NEGR1: variants seen among roughly 807,000 people sequenced by gnomAD.
The protein encoded by NEGR1 is neuronal growth regulator 1.
In NEGR1, 10 loss-of-function variants were observed where a neutral mutation model predicts 40.9. The observed-to-expected ratio is 0.24, with a 90% CI of 0.15 to 0.42. The LOEUF is 0.42. NEGR1 is among the 10% of genes least tolerant of loss of function. The pLI is 1.00. For synonymous variants in NEGR1, 185 were observed against 166.8 expected, an observed-to-expected ratio of 1.11 and a Z score of -0.84; for missense variants, 352 against 438.9, an observed-to-expected ratio of 0.80 and a Z score of 1.77.
intron 1 of NEGR1, among the ~76,000 whole-genome samples, chr1:72,266,668 T>C (rs1415021475): frequency 1.3e-5 from 2 of 149,812 alleles, no homozygotes; most frequent in Non-Finnish European, 3.0e-5. Flanking sequence ...TGTATATACA[T>C]ACATAAAAAT....
chr1:71,959,723 T>C (rs1020112989), intron 1 of NEGR1, among the ~76,000 whole-genome samples: 2 of 152,136 alleles, frequency 1.3e-5, no homozygotes, highest in Non-Finnish European at 1.5e-5. Flanking sequence ...TAAACTTCTA[T>C]GTATTTTTTC....
intron 1 of NEGR1, among the ~76,000 whole-genome samples, chr1:72,111,444 T>C (rs1360983946): frequency 6.6e-6 from 1 of 151,696 alleles, no homozygotes; most frequent in Non-Finnish European, 1.5e-5. Flanking sequence ...AGTATCTGAA[T>C]ATCATGAAAA....
chr1:72,131,434 A>T (rs969843523), intron 1 of NEGR1, among the ~76,000 whole-genome samples: 1 of 152,236 alleles, frequency 6.6e-6, no homozygotes, highest in African/African-American at 2.4e-5. Context: ...AATTCCAGCA[A>T]AGATGAGATT....
intron 4 of NEGR1, among the ~76,000 whole-genome samples, chr1:71,639,116 G>C (rs1557596404): frequency 6.6e-6 from 1 of 151,712 alleles, no homozygotes; most frequent in East Asian, 2.0e-4. Context: ...CACATGTGCT[G>C]GTGCTCAGAG....
chr1:71,835,536 T>G (rs1005768320), intron 2 of NEGR1, among the ~76,000 whole-genome samples: 1 of 152,166 alleles, frequency 6.6e-6, no homozygotes, highest in Non-Finnish European at 1.5e-5. Context: ...GTTTGCAATT[T>G]CATGGTTCTA....
chr1:71,504,111 A>T (rs1007033436), intron 6 of NEGR1, among the ~76,000 whole-genome samples: 1 of 151,356 alleles, frequency 6.6e-6, no homozygotes, highest in East Asian at 1.9e-4. Flanking sequence ...TAGATAAAAA[A>T]ATAAAATAAA....
At chr1:71,762,857 C>T (rs1041627536) in intron 3 of NEGR1, among the ~76,000 whole-genome samples, 2 of 152,058 alleles carry the variant, frequency 1.3e-5, no homozygotes, top group African/African-American at 4.8e-5. Context: ...GCCAAAACAT[C>T]ATTTGGCAAT....
At chr1:71,968,936 A>T (rs1646233553) in intron 1 of NEGR1, among the ~76,000 whole-genome samples, 1 of 152,166 alleles carries the variant, frequency 6.6e-6, no homozygotes, top group South Asian at 2.1e-4. Context: ...TCCTGGTAAA[A>T]TCATTTGCAT....
intron 1 of NEGR1, among the ~76,000 whole-genome samples, chr1:72,215,867 C>A (rs1341616353): frequency 6.6e-6 from 1 of 151,694 alleles, no homozygotes; most frequent in Non-Finnish European, 1.5e-5. Flanking sequence ...GGGTATATAC[C>A]CTAAGTATTA....
intron 2 of NEGR1, among the ~76,000 whole-genome samples, chr1:71,855,215 C>T (rs551539163): frequency 1.3e-5 from 2 of 152,202 alleles, no homozygotes; most frequent in African/African-American, 2.4e-5. Flanking sequence ...TCTGTCAGGT[C>T]GAACTGCAAC....
At chr1:71,990,918 A>ATATTT (rs888701714) in intron 1 of NEGR1, among the ~76,000 whole-genome samples, 5 of 104,206 alleles carry the variant, frequency 4.8e-5, no homozygotes, top group African/African-American at 1.4e-4. Context: ...ATATATATAT[A>ATATTT]TTTTTTTTTT....
intron 1 of NEGR1, among the ~76,000 whole-genome samples, chr1:72,192,056 G>T (rs960097858): frequency 6.6e-6 from 1 of 151,866 alleles, no homozygotes; most frequent in Non-Finnish European, 1.5e-5. Flanking sequence ...TTATAAAATA[G>T]TTTTGGAACA....
intron 1 of NEGR1, among the ~76,000 whole-genome samples, chr1:72,221,052 A>G (rs1653996672): frequency 6.6e-6 from 1 of 152,054 alleles, no homozygotes; most frequent in African/African-American, 2.4e-5. Flanking sequence ...ATGTGAAATA[A>G]AGATGTCAGC....
In NEGR1 at chr1:71,972,800, A is replaced by T. The variant is rs1570567593; in HGVS notation, c.177-37489T>A. ...CTGAGTATGGATGATTGCAGTAATA[A>T]CATTTCTTCCCCAGTTGATTCTTCA... On this transcript the variant is annotated intron_variant, in intron 1 of 6. Coordinates refer to ENST00000357731, the MANE Select transcript of NEGR1 (RefSeq NM_173808.3). Among the ~76,000 whole-genome samples the T allele has an allele frequency of 2.0e-5, 3 of 152,184 alleles. No homozygotes were observed. In the East Asian group the frequency reaches 5.8e-4, roughly 29 times the overall value.
chr1:71,981,730 C>A (rs1557467165), intron 1 of NEGR1, among the ~76,000 whole-genome samples: 1 of 151,892 alleles, frequency 6.6e-6, no homozygotes. Flanking sequence ...GAATATAGCA[C>A]CATAACAAGA....
intron 1 of NEGR1, among the ~76,000 whole-genome samples, chr1:72,155,340 A>G (rs1184050578): frequency 6.6e-6 from 1 of 152,052 alleles, no homozygotes; most frequent in African/African-American, 2.4e-5. Flanking sequence ...TCCAAATCAC[A>G]AGTTAAGGAA....
intron 1 of NEGR1, among the ~76,000 whole-genome samples, chr1:72,023,272 C>T (rs950527423): frequency 2.0e-5 from 3 of 152,138 alleles, no homozygotes; most frequent in African/African-American, 4.8e-5. Context: ...TATCGTACCC[C>T]GAGCACAGCC....
chr1:71,437,810 G>T (rs534074158), intron 6 of NEGR1, among the ~76,000 whole-genome samples: 5 of 152,282 alleles, frequency 3.3e-5, no homozygotes, highest in African/African-American at 1.2e-4. Flanking sequence ...TGTCAGCAGT[G>T]CTCATGCTAT....
chr1:72,025,361 C>T (rs1466606103), intron 1 of NEGR1, among the ~76,000 whole-genome samples: 1 of 152,040 alleles, frequency 6.6e-6, no homozygotes, highest in South Asian at 2.1e-4. Context: ...TCCAAAATAC[C>T]TGTTGGCCAT....
Sources: gnomAD v4.1 joint callset for allele counts (sites outside exome capture counted in the v4.1 genomes callset) on GRCh38, gnomAD v4.1.1 for gene constraint, MANE v1.5 for transcripts, NCBI Gene and HGNC (gene_info 2026-07-23, HGNC 2026-07-21) for gene names.